OR1J2: variants seen among roughly 807,000 people sequenced by gnomAD.
OR1J2 encodes olfactory receptor family 1 subfamily J member 2.
For missense variants in OR1J2, 304 were observed against 246.1 expected, an observed-to-expected ratio of 1.24 and a Z score of -1.57; for synonymous variants, 142 against 99.7, an observed-to-expected ratio of 1.42 and a Z score of -2.52.
chr9:122,578,863 C>G, the OR1J2 span, among the ~76,000 whole-genome samples: 1 of 152,042 alleles, frequency 6.6e-6, no homozygotes, highest in African/African-American at 2.4e-5. Context: ...GTACACTGCT[C>G]GGGTGCACCA....
the OR1J2 span, chr9:122,526,279 G>T: frequency 1.3e-6 from 1 of 753,790 alleles, no homozygotes; most frequent in Admixed American, 3.0e-5. Flanking sequence ...TATGGCTAGT[G>T]TGTGGTAGAC....
At chr9:122,553,989 G>C in the OR1J2 span, 1 of 1,613,570 alleles carries the variant, frequency 6.2e-7, no homozygotes, top group Admixed American at 1.7e-5. Context: ...GTCTCTTATG[G>C]GTGTGTATTT....
the OR1J2 span, chr9:122,568,288 A>C: frequency 3.1e-6 from 5 of 1,614,058 alleles, no homozygotes; most frequent in Non-Finnish European, 3.4e-6. Context: ...AGAAAACTCA[A>C]GAAGAAATAC....
chr9:122,556,149 C>T, the OR1J2 span, among the ~76,000 whole-genome samples: 31 of 152,248 alleles, frequency 2.0e-4, no homozygotes, highest in East Asian at 4.4e-3. Context: ...TTCAGATTGG[C>T]TTCTTTCACT....
chr9:122,566,527 TAA>T, the OR1J2 span, among the ~76,000 whole-genome samples: 1 of 152,090 alleles, frequency 6.6e-6, no homozygotes. Flanking sequence ...AAGGAAGCAG[TAA>T]AGATATATTT....
At chr9:122,494,198 T>C in the OR1J2 span, among the ~76,000 whole-genome samples, 6 of 152,148 alleles carry the variant, frequency 3.9e-5, no homozygotes, top group Admixed American at 2.0e-4. Context: ...GTTAAGTCCA[T>C]TTGTTTTGCG....
chr9:122,495,895 T>C, the OR1J2 span, among the ~76,000 whole-genome samples: 1 of 152,262 alleles, frequency 6.6e-6, no homozygotes, highest in East Asian at 1.9e-4. Context: ...GATGTGGTGC[T>C]CTCCCCCTTC....
chr9:122,572,499 G>A, the OR1J2 span, among the ~76,000 whole-genome samples: 1 of 151,916 alleles, frequency 6.6e-6, no homozygotes, highest in African/African-American at 2.4e-5. Flanking sequence ...TGAAAATCAG[G>A]GAGAATAGTT....
At chr9:122,543,937 A>G in the OR1J2 span, among the ~76,000 whole-genome samples, 2 of 152,218 alleles carry the variant, frequency 1.3e-5, no homozygotes, top group African/African-American at 2.4e-5. Context: ...TTGTTACACA[A>G]CCACAGGTAA....
the OR1J2 span, chr9:122,567,173 A>C: frequency 2.5e-5 from 4 of 162,552 alleles, no homozygotes; most frequent in African/African-American, 4.8e-5. Flanking sequence ...TTCAATGGCT[A>C]CAAATTACAC....
the OR1J2 span, chr9:122,519,420 T>C: frequency 2.5e-6 from 4 of 1,614,202 alleles, no homozygotes; most frequent in Non-Finnish European, 3.4e-6. Context: ...ATCCATTCTT[T>C]ATGCAGGGTG....
chr9:122,549,121 G>T, the OR1J2 span, among the ~76,000 whole-genome samples: 2 of 151,998 alleles, frequency 1.3e-5, no homozygotes, highest in African/African-American at 2.4e-5. Context: ...GTTGGATGTG[G>T]GGCCTAGTGA....
At chr9:122,489,623 T>C in the OR1J2 span, among the ~76,000 whole-genome samples, 1 of 152,216 alleles carries the variant, frequency 6.6e-6, no homozygotes. Context: ...CAATAACCAA[T>C]GTATAGGAAT....
the OR1J2 span, chr9:122,526,418 G>C: frequency 6.6e-7 from 1 of 1,515,642 alleles, no homozygotes; most frequent in Non-Finnish European, 8.8e-7. Context: ...TCATGTCCTT[G>C]TTCCTTAGGC....
At chr9:122,569,152 A>T in the OR1J2 span, among the ~76,000 whole-genome samples, 1 of 152,132 alleles carries the variant, frequency 6.6e-6, no homozygotes, top group Non-Finnish European at 1.5e-5. Flanking sequence ...TGCTCTGCTC[A>T]CAGAATGAAA....
chr9:122,554,118 G>T, the OR1J2 span: 1 of 1,613,498 alleles, frequency 6.2e-7, no homozygotes, highest in Non-Finnish European at 8.5e-7. Context: ...CATGAAGGAG[G>T]CTTTGGGTAA....
the OR1J2 span, among the ~76,000 whole-genome samples, chr9:122,548,113 C>T: frequency 2.3e-4 from 35 of 152,016 alleles, no homozygotes; most frequent in African/African-American, 8.0e-4. Context: ...CAGAAGTATA[C>T]AAATTTATTT....
At chr9:122,463,454 C>T in the OR1J2 span, among the ~76,000 whole-genome samples, 1 of 152,156 alleles carries the variant, frequency 6.6e-6, no homozygotes, top group Non-Finnish European at 1.5e-5. Flanking sequence ...TGGTTTGGAT[C>T]CATTGCTGGT....
At chr9:122,558,311 C>CTTTTTTTTTTTTTT in the OR1J2 span, among the ~76,000 whole-genome samples, 3 of 34,472 alleles carry the variant, frequency 8.7e-5, 1 homozygote, top group Non-Finnish European at 1.4e-4. Flanking sequence ...TTGGATTTTG[C>CTTTTTTTTTTTTTT]TTTTTTTTTT....
Sources: allele counts gnomAD v4.1 joint callset (sites outside exome capture counted in the v4.1 genomes callset), GRCh38; gene constraint gnomAD v4.1.1; transcripts MANE v1.5; gene names NCBI Gene and HGNC (gene_info 2026-07-23, HGNC 2026-07-21).